Variants in ERICH6B observed in about 807,000 individuals in gnomAD.
ERICH6B encodes the protein glutamate-rich protein 6B.
Under a neutral mutation model 80.0 loss-of-function variants are expected in ERICH6B, and 69 were observed. The ratio of observed to expected loss-of-function variants is 0.86; its 90% CI spans 0.71 to 1.05. The LOEUF (loss-of-function observed/expected upper bound fraction) is 1.05. Among genes scored for constraint, ERICH6B ranks in the 50% least tolerant of loss-of-function variants. The pLI is 0.00. For synonymous variants in ERICH6B, 283 were observed against 291.9 expected (o/e 0.97, Z 0.31); for missense variants, 754 against 796.1 (o/e 0.95, Z 0.64).
In ERICH6B at chr13:45,542,811, A is replaced by C. The variant is rs139406605; in HGVS notation, c.1873-1131T>G. Among the ~76,000 whole-genome samples the C allele has an allele frequency of 3.0e-3, 450 of 152,262 alleles. 2 individuals are homozygous for C. Among genetic ancestry groups the C allele is most frequent in the Non-Finnish European group, 5.2e-3 (352 of 67,976 alleles). The stretch of plus-strand genomic sequence containing the variant: ...GCAAAATAGGAGGCCTTCCCAGGCA[A>C]GGGAACCTAGGGGGGTCAGCAGGCC... On this transcript the variant is annotated intron_variant, in intron 14 of 14. Coordinates refer to ENST00000298738, the MANE Select transcript of ERICH6B (RefSeq NM_182542.3).
At chr13:45,553,026 T>G (rs540582980) in intron 11 of ERICH6B, 2 of 245,382 alleles carry the variant, frequency 8.2e-6, no homozygotes, top group Admixed American at 1.0e-4. Flanking sequence ...GTTCTCTTGT[T>G]GTGAAGTCTT....
Position 45,541,390 on chromosome 13 carries a change from G to GT in ERICH6B, c.*71dup, listed in dbSNP as rs528629773. On this transcript the variant is annotated 3_prime_UTR_variant, in exon 15 of 15. Transcript: ENST00000298738. ...TCATAAAAGGTCAACAGGTCTTTGGGTTTTTTTTCCCTGGAGCTCCCAAGG... is the reference window on the plus strand; with the variant it reads ...TCATAAAAGGTCAACAGGTCTTTGGGTTTTTTTTTCCCTGGAGCTCCCAAGG... The GT allele has an allele frequency of 7.5e-5, 102 of 1,363,938 alleles. No individual in the cohort carries two copies. Among genetic ancestry groups the GT allele is most frequent in the Middle Eastern group, 3.7e-4 (2 of 5,390 alleles). The allele number at this position is 1,363,938 out of a possible 1,614,324, so 84.5% of individuals were successfully genotyped here. A position where few individuals can be genotyped will look rare whatever the true frequency, so the allele number is the denominator to read the frequency against.
At chr13:45,606,399 G>T (rs1179041468) in intron 2 of ERICH6B, among the ~76,000 whole-genome samples, 1 of 150,132 alleles carries the variant, frequency 6.7e-6, no homozygotes, top group East Asian at 2.0e-4. Context: ...AGATGCCAGG[G>T]TTTCAGCAAT....
chr13:45,602,532 T>C (rs989516026), intron 2 of ERICH6B, among the ~76,000 whole-genome samples: 2 of 152,214 alleles, frequency 1.3e-5, no homozygotes, highest in African/African-American at 4.8e-5. Context: ...GAGTTCTACA[T>C]GACAGCCTTT....
chr13:45,573,322 A>G (rs903213719), intron 8 of ERICH6B, among the ~76,000 whole-genome samples: 7 of 152,240 alleles, frequency 4.6e-5, no homozygotes, highest in Admixed American at 3.3e-4. Context: ...CAGAATGTAC[A>G]TCATGATTCC....
At chr13:45,593,614 A>C (rs1876243862) in intron 3 of ERICH6B, among the ~76,000 whole-genome samples, 1 of 152,190 alleles carries the variant, frequency 6.6e-6, no homozygotes, top group African/African-American at 2.4e-5. Context: ...TCATGCAACT[A>C]GTGAAAGGGA....
intron 2 of ERICH6B, among the ~76,000 whole-genome samples, chr13:45,605,453 GA>G (rs1451176689): frequency 6.6e-6 from 1 of 152,222 alleles, no homozygotes; most frequent in African/African-American, 2.4e-5. Context: ...CTGTTTAATG[GA>G]TTCATCATTG....
intron 11 of ERICH6B, among the ~76,000 whole-genome samples, chr13:45,555,664 G>A (rs1320445178): frequency 2.0e-5 from 3 of 152,014 alleles, no homozygotes; most frequent in South Asian, 4.2e-4. Context: ...AGATGGTAGA[G>A]ACCTATGATG....
chr13:45,608,380 A>C (rs546113548), intron 1 of ERICH6B, among the ~76,000 whole-genome samples: 2 of 152,216 alleles, frequency 1.3e-5, no homozygotes, highest in Admixed American at 6.5e-5. Context: ...AACAGATTTT[A>C]CTCTGTTCCC....
intron 14 of ERICH6B, among the ~76,000 whole-genome samples, chr13:45,542,224 C>T (rs928721772): frequency 1.8e-4 from 27 of 152,182 alleles, no homozygotes; most frequent in African/African-American, 5.3e-4. Flanking sequence ...TAAGATAGGA[C>T]GATACCCGTG....
At chr13:45,565,134 T>A (rs919482043) in intron 9 of ERICH6B, among the ~76,000 whole-genome samples, 3 of 148,256 alleles carry the variant, frequency 2.0e-5, no homozygotes, top group Non-Finnish European at 4.5e-5. Flanking sequence ...TTATTTGGTG[T>A]TTTTTTTTTG....
intron 7 of ERICH6B, among the ~76,000 whole-genome samples, chr13:45,577,276 CTTTTTTTTTTTTTT>C (rs34244794): frequency 8.1e-5 from 7 of 86,060 alleles, no homozygotes; most frequent in East Asian, 4.8e-4. Flanking sequence ...AAAAACAAAT[CTTTTTTTTTTTTTT>C]TTTTTTTTTT....
Position 45,596,716 on chromosome 13 carries a change from T to C in ERICH6B, c.290A>G (p.Tyr97Cys). Residue 97 changes from tyrosine to cysteine, a missense_variant, in exon 3 of 15, where the codon TAT becomes TGT. Transcript: ENST00000298738. ...GKEEHLEEEE[Y>C]LEKAGYLEEE... ...CTCCAGATACCCTGCCTTCTCCAGATACTCTTCCTCCTCCAGATGCTCTTC... is the reference window on the plus strand; with the variant it reads ...CTCCAGATACCCTGCCTTCTCCAGACACTCTTCCTCCTCCAGATGCTCTTC... The C allele has an allele frequency of 1.3e-6, 2 of 1,551,822 alleles. No individual in the cohort carries two copies. Among genetic ancestry groups the C allele is most frequent in the South Asian group, 2.4e-5 (2 of 84,054 alleles).
At position 45,587,012 on chromosome 13, in the gene ERICH6B, T is replaced by C. The variant is rs113980916; in HGVS notation, c.856+51A>G. 6.0e-3 allele frequency: 9,099 copies of C among 1,517,446 alleles called. 411 individuals carry two copies. In the African/African-American group the frequency reaches 0.11, roughly 18 times the overall value. The allele number at this position is 1,517,446 out of a possible 1,614,324, so 94.0% of individuals were successfully genotyped here. On this transcript the variant is annotated intron_variant, in intron 5 of 14. Transcript: ENST00000298738. ...CACATGCACAAAACCATTCCTCCCC[T>C]GGCCCACAGAGCCCGGCTGCGCCTC...
chr13:45,590,520 A>C, intron 4 of ERICH6B, 129 bp downstream of exon 4: 2 of 805,278 alleles, frequency 2.5e-6, no homozygotes, highest in Non-Finnish European at 3.9e-6. Flanking sequence ...AACTTCCAGG[A>C]ACCCCCACTA....
chr13:45,575,497 C>A (rs1391427755), intron 7 of ERICH6B, among the ~76,000 whole-genome samples: 1 of 152,096 alleles, frequency 6.6e-6, no homozygotes, highest in East Asian at 1.9e-4. Flanking sequence ...TTCAAAGGAC[C>A]TTGTAGGCTG....
intron 6 of ERICH6B, 90 bp from the exon 7 acceptor site, chr13:45,580,064 C>T: frequency 9.1e-7 from 1 of 1,094,108 alleles, no homozygotes; most frequent in Non-Finnish European, 1.3e-6. Flanking sequence ...ATTTAAAAAT[C>T]ATCTCCTAGA....
chr13:45,597,144 T>C (rs565553230), intron 2 of ERICH6B, 81 bp from the exon 3 acceptor site: 6 of 990,708 alleles, frequency 6.1e-6, no homozygotes, highest in Non-Finnish European at 8.8e-6. Flanking sequence ...TGTTCACTTA[T>C]TTCATTCAGT....
At chr13:45,549,826 G>C in intron 13 of ERICH6B, 67 bp downstream of exon 13, 1 of 1,491,496 alleles carries the variant, frequency 6.7e-7, no homozygotes, top group Non-Finnish European at 9.0e-7. Flanking sequence ...ATACAGTCTG[G>C]GAGTCACGCT....
Sources: gnomAD v4.1 joint callset for allele counts (sites outside exome capture counted in the v4.1 genomes callset) on GRCh38, gnomAD v4.1.1 for gene constraint, MANE v1.5 for transcripts, NCBI Gene and HGNC (gene_info 2026-07-23, HGNC 2026-07-21) for gene names.